Variants in GPHN observed in about 807,000 individuals in gnomAD.
GPHN encodes gephyrin.
In GPHN, 17 loss-of-function variants were observed where a neutral mutation model predicts 95.5. That is an observed-to-expected ratio of 0.18 (90% confidence interval 0.12 to 0.27). GPHN has a LOEUF of 0.27. Among genes scored for constraint, GPHN ranks in the 10% least tolerant of loss-of-function variants. The probability of loss-of-function intolerance (pLI) is 1.00; values close to 1 mark genes in which losing one functional copy is unlikely to be tolerated. For missense variants in GPHN, 660 were observed against 978.1 expected, an observed-to-expected ratio of 0.67 and a Z score of 4.34; for synonymous variants, 320 against 322.5, an observed-to-expected ratio of 0.99 and a Z score of 0.08.
At chr14:66,622,521 A>G (rs575132105) in intron 1 of GPHN, among the ~76,000 whole-genome samples, 3 of 152,164 alleles carry the variant, frequency 2.0e-5, no homozygotes, top group Admixed American at 2.0e-4. Context: ...TTTCTTTCGC[A>G]TTGTCAGGCT....
chr14:67,586,298 T>C, the GPHN span: 1 of 1,145,646 alleles, frequency 8.7e-7, no homozygotes, highest in South Asian at 1.3e-5. Flanking sequence ...TAAAGGGACA[T>C]ATTTGGAGGG....
intron 5 of GPHN, among the ~76,000 whole-genome samples, chr14:66,890,614 A>AAAAAC (rs1488761551): frequency 1.3e-5 from 2 of 152,128 alleles, no homozygotes; most frequent in African/African-American, 4.8e-5. Context: ...CAAAGACAGG[A>AAAAAC]AAAACAAAAC....
the GPHN span, chr14:67,582,040 G>A: frequency 3.1e-6 from 5 of 1,595,662 alleles, no homozygotes; most frequent in Non-Finnish European, 4.3e-6. The surrounding 1 kb of genome is among the most constrained non-coding windows in gnomAD (Gnocchi z 5.0). Flanking sequence ...TCCCTGCTGA[G>A]TCCTGGTTTC....
At chr14:67,371,255 A>T in the GPHN span, among the ~76,000 whole-genome samples, 1 of 152,042 alleles carries the variant, frequency 6.6e-6, no homozygotes, top group African/African-American at 2.4e-5. Context: ...CTCTATAAAA[A>T]TTTTAAAAAA....
intron 2 of GPHN, among the ~76,000 whole-genome samples, chr14:66,696,839 T>A (rs2068130874): frequency 6.6e-6 from 1 of 152,228 alleles, no homozygotes; most frequent in South Asian, 2.1e-4. Flanking sequence ...TGCTATGAAT[T>A]TATTTTGTTT....
the GPHN span, chr14:67,515,537 G>T: frequency 0.42 from 64,850 of 154,838 alleles, 14,184 homozygotes; most frequent in East Asian, 0.49. Context: ...CCCGCTCGCC[G>T]GCCCGGCCCG....
intron 2 of GPHN, among the ~76,000 whole-genome samples, chr14:66,690,505 G>A (rs1041983994): frequency 6.6e-6 from 1 of 152,148 alleles, no homozygotes; most frequent in African/African-American, 2.4e-5. Context: ...GTATTCTGCT[G>A]CATTTGGGTG....
intron 18 of GPHN, among the ~76,000 whole-genome samples, chr14:67,146,859 C>T (rs2080927483): frequency 6.6e-6 from 1 of 152,244 alleles, no homozygotes; most frequent in Non-Finnish European, 1.5e-5. Flanking sequence ...CATGGCAAAA[C>T]CCCACCTCTA....
the GPHN span, among the ~76,000 whole-genome samples, chr14:67,656,177 C>T: frequency 4.0e-5 from 6 of 150,318 alleles, no homozygotes; most frequent in South Asian, 2.1e-4. Context: ...ACCCAGGATG[C>T]GGAGGTTGCA....
At chr14:67,616,142 C>A in the GPHN span, 1 of 256,994 alleles carries the variant, frequency 3.9e-6, no homozygotes. Flanking sequence ...ATTTAACCCC[C>A]CTGTACACAA....
chr14:66,908,297 C>T lies in GPHN; in HGVS notation c.390-7706C>T, dbSNP rs114072490. On this transcript the variant is annotated intron_variant, in intron 5 of 22. Transcript: ENST00000478722. ...CAAGAAAACAAACTACAACAAAACA[C>T]ACATTGGCGGGTATATATTAAAGGG... Among the ~76,000 whole-genome samples the T allele has an allele frequency of 3.9e-3, 596 of 151,810 alleles. 4 individuals are homozygous for T. The highest frequency in any genetic ancestry group is 0.014 in the African/African-American group (559 of 41,386).
chr14:66,947,174 T>A (rs917533532), intron 8 of GPHN, among the ~76,000 whole-genome samples: 1 of 152,192 alleles, frequency 6.6e-6, no homozygotes, highest in Non-Finnish European at 1.5e-5. Flanking sequence ...AAGCTCCATA[T>A]AGCTTTTTCT....
intron 1 of GPHN, among the ~76,000 whole-genome samples, chr14:66,616,986 G>T (rs1012866997): frequency 6.6e-6 from 1 of 152,196 alleles, no homozygotes; most frequent in Non-Finnish European, 1.5e-5. Context: ...GATTACAGGC[G>T]TGAGCCACCA....
the GPHN span, among the ~76,000 whole-genome samples, chr14:67,449,638 T>C: frequency 6.6e-6 from 1 of 152,218 alleles, no homozygotes; most frequent in African/African-American, 2.4e-5. Flanking sequence ...TGAGGCCTAA[T>C]ATGGTTTGGC....
the GPHN span, among the ~76,000 whole-genome samples, chr14:67,382,207 G>A: frequency 6.6e-6 from 1 of 151,772 alleles, no homozygotes; most frequent in Non-Finnish European, 1.5e-5. Flanking sequence ...ATTCAGTATC[G>A]CAGTGAACTG....
At chr14:67,134,798 T>A (rs2079942098) in intron 17 of GPHN, among the ~76,000 whole-genome samples, 1 of 152,002 alleles carries the variant, frequency 6.6e-6, no homozygotes, top group Non-Finnish European at 1.5e-5. Context: ...GCCTGGTGAC[T>A]TTTTGCCCTA....
chr14:67,452,065 C>T, the GPHN span, among the ~76,000 whole-genome samples: 1 of 152,304 alleles, frequency 6.6e-6, no homozygotes, highest in South Asian at 2.1e-4. Context: ...GGCATGGTGG[C>T]TCCTGCCTGT....
intron 5 of GPHN, among the ~76,000 whole-genome samples, chr14:66,898,392 T>C (rs566679328): frequency 1.5e-4 from 23 of 150,642 alleles, no homozygotes; most frequent in Admixed American, 3.3e-4. Flanking sequence ...TGAGTTTAGG[T>C]TGAGGTGTTT....
the GPHN span, chr14:67,338,643 T>C: frequency 6.2e-7 from 1 of 1,613,962 alleles, no homozygotes; most frequent in Non-Finnish European, 8.5e-7. Context: ...AAGATCCTCG[T>C]CCTTCTCTTC....
Sources: allele counts gnomAD v4.1 joint callset (sites outside exome capture counted in the v4.1 genomes callset), GRCh38; gene constraint gnomAD v4.1.1; non-coding constraint Gnocchi (gnomAD v3.1); transcripts MANE v1.5; gene names NCBI Gene and HGNC (gene_info 2026-07-23, HGNC 2026-07-21).